Variants in NTRK1 observed in about 807,000 individuals in gnomAD.
NTRK1 encodes the protein neurotrophic receptor tyrosine kinase 1.
A neutral mutation model predicts 86.8 loss-of-function variants in NTRK1; 62 were observed. That is an observed-to-expected ratio of 0.71 (90% confidence interval 0.58 to 0.88). The LOEUF is 0.88. NTRK1 is among the 40% of genes least tolerant of loss of function. The pLI is 0.00. For missense variants in NTRK1, 967 were observed against 1,078.4 expected (o/e 0.90, Z 1.45); for synonymous variants, 469 against 456.6 (o/e 1.03, Z -0.35).
At chr1:156,820,658 C>A (rs1440557940) in intron 1 of NTRK1, among the ~76,000 whole-genome samples, 2 of 152,326 alleles carry the variant, frequency 1.3e-5, no homozygotes, top group Non-Finnish European at 2.9e-5. Context: ...TATTTTTATA[C>A]CAGTACCATG....
chr1:156,845,541 A>ACCCCCCCCCCC, intron 2 of NTRK1: 1 of 1,288,352 alleles, frequency 7.8e-7, no homozygotes, highest in Non-Finnish European at 1.1e-6. Context: ...CCACCCACAA[A>ACCCCCCCCCCC]CCCCACCCCT....
At chr1:156,852,073 G>A (rs765724939) in intron 2 of NTRK1, 42 of 1,613,576 alleles carry the variant, frequency 2.6e-5, no homozygotes, top group Non-Finnish European at 3.6e-5. Flanking sequence ...CCTGGAAGTA[G>A]AGGTGGCGGC....
intron 1 of NTRK1, among the ~76,000 whole-genome samples, chr1:156,827,397 G>A (rs1478540591): frequency 4.6e-5 from 7 of 152,026 alleles, no homozygotes; most frequent in Non-Finnish European, 1.0e-4. Context: ...CAAGTAGCTG[G>A]GATTACAGGC....
intron 6 of NTRK1, among the ~76,000 whole-genome samples, chr1:156,870,105 G>C (rs899684877): frequency 3.9e-5 from 6 of 152,246 alleles, no homozygotes; most frequent in African/African-American, 1.4e-4. Flanking sequence ...TGCCTAGAGT[G>C]AGTAAAAGAA....
intron 1 of NTRK1, among the ~76,000 whole-genome samples, chr1:156,863,354 CTCTT>C (rs915395275): frequency 6.2e-4 from 94 of 152,232 alleles, no homozygotes; most frequent in Admixed American, 1.5e-3. Flanking sequence ...GTTTCACTCT[CTCTT>C]TGTTTTTCTG....
intron 2 of NTRK1, among the ~76,000 whole-genome samples, chr1:156,852,639 G>A (rs562802418): frequency 2.6e-5 from 4 of 152,278 alleles, no homozygotes; most frequent in East Asian, 3.9e-4. Flanking sequence ...TGCCCATACC[G>A]CCCCCACCTC....
chr1:156,868,784 GGTT>G, intron 6 of NTRK1, 137 bp downstream of exon 6: 1 of 1,362,574 alleles, frequency 7.3e-7, no homozygotes, highest in Non-Finnish European at 1.0e-6. Context: ...GGACAGAGAT[GGTT>G]TAGACCCACA....
At chr1:156,843,127 A>G in intron 2 of NTRK1, 2 of 1,614,026 alleles carry the variant, frequency 1.2e-6, no homozygotes, top group Non-Finnish European at 1.7e-6. Context: ...CTCCAGCCTC[A>G]AGTCCTCGTG....
At chr1:156,864,582 GGTC>G in intron 2 of NTRK1, 143 bp from the exon 3 acceptor site, 1 of 1,116,146 alleles carries the variant, frequency 9.0e-7, no homozygotes, top group Non-Finnish European at 1.3e-6. Flanking sequence ...GGCTTTGAGG[GGTC>G]TAGAGTAGTT....
rs12042297 is a variant in NTRK1, at chr1:156,836,089, G to T, written c.-63-5992G>T. Among the ~76,000 whole-genome samples, 17 of 152,126 alleles carry T rather than the reference G, an allele frequency of 1.1e-4. No homozygotes were observed. In the East Asian group the frequency reaches 3.1e-3, roughly 28 times the overall value. ...TCTGTCCTCCCCTTTCTCCTCCTGC[G>T]TGTCTGTCAGCCCCCCTCCTCCTGT... On this transcript the variant is annotated intron_variant, in intron 1 of 16. Coordinates refer to the NTRK1 transcript ENST00000392302.
Position 156,868,266 on chromosome 1 carries a change from G to C in NTRK1, c.574+17G>C. The C allele has an allele frequency of 1.2e-6, 2 of 1,605,808 alleles. No homozygotes were observed. Among genetic ancestry groups the C allele is most frequent in the Non-Finnish European group, 1.7e-6 (2 of 1,179,906 alleles). ...CCAGCTGTGGTAGGTGCCGGGTGAG[G>C]GAGGTGGTGTAAGGGGGCTGGGGAA... On this transcript the variant is annotated intron_variant, in intron 5 of 16. Coordinates refer to ENST00000524377, the MANE Select transcript of NTRK1 (RefSeq NM_002529.4).
At chr1:156,868,783 T>C (rs1647339668) in intron 6 of NTRK1, 136 bp downstream of exon 6, 8 of 1,368,956 alleles carry the variant, frequency 5.8e-6, no homozygotes, top group Non-Finnish European at 8.0e-6. Flanking sequence ...CGGACAGAGA[T>C]GGTTTAGACC....
intron 8 of NTRK1, 153 bp from the exon 9 acceptor site, chr1:156,874,230 C>T (rs2102908017): frequency 8.2e-7 from 1 of 1,215,804 alleles, no homozygotes; most frequent in South Asian, 1.2e-5. Flanking sequence ...TCACATGCAT[C>T]TTCTTCCTTG....
chr1:156,869,075 CCTTCCTTCCTTCCTTTT>C (rs1647386935), intron 6 of NTRK1, among the ~76,000 whole-genome samples: 1 of 139,224 alleles, frequency 7.2e-6, no homozygotes, highest in Admixed American at 7.2e-5. Flanking sequence ...TTCCTTCCTT[CCTTCCTTCCTTCCTTTT>C]ATGGAGTTTC....
upstream of NTRK1, among the ~76,000 whole-genome samples, chr1:156,859,189 G>A (rs41462846): frequency 4.5e-3 from 686 of 151,712 alleles, 8 homozygotes; most frequent in African/African-American, 0.016. The surrounding 1 kb of genome is among the most constrained non-coding windows in gnomAD (Gnocchi z 6.2). Flanking sequence ...TGGTTCGCAG[G>A]GACCTTTCCG....
intron 6 of NTRK1, among the ~76,000 whole-genome samples, chr1:156,868,899 T>G (rs1647349402): frequency 6.6e-6 from 1 of 152,102 alleles, no homozygotes; most frequent in African/African-American, 2.4e-5. Context: ...GCCCCAGGAC[T>G]TAGAACCCCT....
chr1:156,833,643 T>C (rs1654522683), intron 1 of NTRK1, among the ~76,000 whole-genome samples: 1 of 152,214 alleles, frequency 6.6e-6, no homozygotes, highest in Non-Finnish European at 1.5e-5. Flanking sequence ...AAATAATAAC[T>C]ACCATGATGC....
intron 2 of NTRK1, among the ~76,000 whole-genome samples, chr1:156,849,995 C>G (rs142401355): frequency 6.6e-6 from 1 of 151,952 alleles, no homozygotes; most frequent in African/African-American, 2.4e-5. Flanking sequence ...CTTGACCTCC[C>G]GGGCTCAGGT....
At chr1:156,841,057 G>A in intron 1 of NTRK1, 3 of 1,583,770 alleles carry the variant, frequency 1.9e-6, no homozygotes, top group Non-Finnish European at 1.7e-6. Flanking sequence ...TGTGAAAGAT[G>A]GGCGCAGGCG....
Sources: allele counts gnomAD v4.1 joint callset (sites outside exome capture counted in the v4.1 genomes callset), GRCh38; gene constraint gnomAD v4.1.1; non-coding constraint Gnocchi (gnomAD v3.1); transcripts MANE v1.5; gene names NCBI Gene and HGNC (gene_info 2026-07-23, HGNC 2026-07-21).